Variants in AFF3 observed in about 807,000 individuals in gnomAD.
The protein encoded by AFF3 is AF4/FMR2 family member 3.
A neutral mutation model predicts 129.7 loss-of-function variants in AFF3; 32 were observed. The observed-to-expected ratio is 0.25, with a 90% CI of 0.19 to 0.33. The LOEUF is 0.33. Among genes scored for constraint, AFF3 ranks in the 10% least tolerant of loss-of-function variants. AFF3 has a pLI of 1.00. For synonymous variants in AFF3, 644 were observed against 635.4 expected (o/e 1.01, Z -0.20); for missense variants, 1,373 against 1,592.0 (o/e 0.86, Z 2.34).
At chr2:99,581,202 T>A (rs1677505946) in intron 17 of AFF3, among the ~76,000 whole-genome samples, 1 of 152,214 alleles carries the variant, frequency 6.6e-6, no homozygotes, top group Non-Finnish European at 1.5e-5. Flanking sequence ...CTAAATAAAA[T>A]CTACAATTGG....
chr2:99,559,030 T>A, intron 21 of AFF3, 62 bp from the exon 22 acceptor site: 2 of 1,477,686 alleles, frequency 1.4e-6, no homozygotes, highest in Non-Finnish European at 1.9e-6. Context: ...AAACAAGACT[T>A]AAACATTTTT....
chr2:99,709,008 G>A (rs1677661264), intron 11 of AFF3, among the ~76,000 whole-genome samples: 1 of 152,214 alleles, frequency 6.6e-6, no homozygotes, highest in Admixed American at 6.5e-5. Context: ...GGTGAAGAAG[G>A]AAGAGAAACA....
rs113118740 is a variant in AFF3, at chr2:99,972,005, C to T, written c.873+34627G>A. ...CATTAACAGGTGAAACAACTGACAACGGACCCACATCAAGCCAGAGTCCTT... is the reference window on the plus strand; with the variant it reads ...CATTAACAGGTGAAACAACTGACAATGGACCCACATCAAGCCAGAGTCCTT... On this transcript the variant is annotated intron_variant, in intron 7 of 24. Transcript: ENST00000672756. 1.9e-3 allele frequency among the ~76,000 whole-genome samples: 289 copies of T among 152,296 alleles called. 1 individual carries two copies. Among genetic ancestry groups the T allele is most frequent in the South Asian group, 3.3e-3 (16 of 4,828 alleles).
intron 7 of AFF3, among the ~76,000 whole-genome samples, chr2:100,003,135 AAC>A (rs1450647406): frequency 6.6e-6 from 1 of 152,010 alleles, no homozygotes. Context: ...GTACTGTGTT[AAC>A]ACAGTTATAT....
chr2:99,937,630 C>A (rs1295866414), intron 7 of AFF3, among the ~76,000 whole-genome samples: 2 of 152,162 alleles, frequency 1.3e-5, no homozygotes, highest in Non-Finnish European at 2.9e-5. Flanking sequence ...AACTCCTGAC[C>A]TTGTGATCCG....
At position 100,009,617 on chromosome 2, in the gene AFF3, C is replaced by T. The variant is rs531014637; in HGVS notation, c.54-685G>A. On this transcript the variant is annotated intron_variant, in intron 4 of 24. Transcript: ENST00000672756. ...ATTATGTTGTGTCATCAAGGAACTC[C>T]GCCTTTTGTTGAAGAAAATTAATAT... 6.6e-5 allele frequency among the ~76,000 whole-genome samples: 10 copies of T among 152,268 alleles called. No homozygotes were observed. In the East Asian group the frequency reaches 7.7e-4, roughly 12 times the overall value.
At chr2:99,720,159 T>C (rs551897966) in intron 11 of AFF3, among the ~76,000 whole-genome samples, 1 of 152,202 alleles carries the variant, frequency 6.6e-6, no homozygotes, top group South Asian at 2.1e-4. Context: ...TTTCAGTCCA[T>C]GCTATAGTTT....
chr2:100,019,377 G>C (rs1477917501), intron 4 of AFF3, among the ~76,000 whole-genome samples: 3 of 152,200 alleles, frequency 2.0e-5, no homozygotes, highest in Non-Finnish European at 2.9e-5. Flanking sequence ...AGGCTAGAAA[G>C]AAGATAAATG....
chr2:99,647,784 G>A (rs1684825987), intron 13 of AFF3, among the ~76,000 whole-genome samples: 1 of 152,222 alleles, frequency 6.6e-6, no homozygotes. Flanking sequence ...CTACAGTAAA[G>A]TAAGGGAAAT....
chr2:100,100,819 A>T (rs1690669596), intron 4 of AFF3, among the ~76,000 whole-genome samples: 3 of 151,854 alleles, frequency 2.0e-5, no homozygotes, highest in Non-Finnish European at 4.4e-5. Flanking sequence ...AATGGCTTAT[A>T]TGTCTAGCAC....
intron 12 of AFF3, among the ~76,000 whole-genome samples, chr2:99,664,497 T>A (rs932683439): frequency 6.6e-6 from 1 of 152,272 alleles, no homozygotes; most frequent in Non-Finnish European, 1.5e-5. Flanking sequence ...GAAGGGGCTA[T>A]AGACATTTCC....
At chr2:100,002,377 G>A (rs1483138383) in intron 7 of AFF3, among the ~76,000 whole-genome samples, 3 of 152,142 alleles carry the variant, frequency 2.0e-5, no homozygotes, top group South Asian at 2.1e-4. Flanking sequence ...GCTTTTCTAG[G>A]AAGCTATTTT....
intron 7 of AFF3, among the ~76,000 whole-genome samples, chr2:99,994,433 T>C (rs1408087531): frequency 6.6e-6 from 1 of 152,186 alleles, no homozygotes; most frequent in African/African-American, 2.4e-5. Flanking sequence ...TTTTTCCAGA[T>C]GGTGGGATTT....
At chr2:99,579,409 A>G (rs1460739290) in intron 17 of AFF3, among the ~76,000 whole-genome samples, 1 of 148,552 alleles carries the variant, frequency 6.7e-6, no homozygotes, top group Non-Finnish European at 1.5e-5. Context: ...CCGTCTCAAA[A>G]AAAAAAAAAA....
intron 8 of AFF3, among the ~76,000 whole-genome samples, chr2:99,798,901 T>C (rs1685738072): frequency 6.6e-6 from 1 of 152,062 alleles, no homozygotes; most frequent in Admixed American, 6.6e-5. Flanking sequence ...GGAAGAAAAT[T>C]AGTCAGACTT....
intron 4 of AFF3, among the ~76,000 whole-genome samples, chr2:100,027,131 C>T (rs1023310636): frequency 1.3e-5 from 2 of 152,144 alleles, no homozygotes; most frequent in African/African-American, 4.8e-5. Context: ...AATGTTTCCA[C>T]AAACCTATCC....
chr2:100,060,057 G>A (rs760914572), intron 4 of AFF3, among the ~76,000 whole-genome samples: 3 of 152,222 alleles, frequency 2.0e-5, no homozygotes, highest in South Asian at 4.1e-4. Context: ...ACACACACAC[G>A]TGAAGGGGAC....
At chr2:99,864,477 T>C (rs2105927916) in intron 7 of AFF3, among the ~76,000 whole-genome samples, 1 of 152,274 alleles carries the variant, frequency 6.6e-6, no homozygotes, top group African/African-American at 2.4e-5. Context: ...AACACAAAAA[T>C]AGACTTGTAG....
At chr2:99,909,235 G>A (rs945563223) in intron 7 of AFF3, among the ~76,000 whole-genome samples, 1 of 149,848 alleles carries the variant, frequency 6.7e-6, no homozygotes. Flanking sequence ...CTATCGCAAG[G>A]ACAAAAAAAC....
Sources: allele counts gnomAD v4.1 joint callset (sites outside exome capture counted in the v4.1 genomes callset), GRCh38; gene constraint gnomAD v4.1.1; transcripts MANE v1.5; gene names NCBI Gene and HGNC (gene_info 2026-07-23, HGNC 2026-07-21).